Variants in DIAPH2 observed in about 807,000 individuals in gnomAD.
DIAPH2 encodes protein diaphanous homolog 2.
DIAPH2 carries 35 observed loss-of-function variants against 92.7 expected under a neutral mutation model. That is an observed-to-expected ratio of 0.38 (90% CI 0.29 to 0.50). The LOEUF is 0.50. Among genes scored for constraint, DIAPH2 ranks in the 20% least tolerant of loss-of-function variants. The pLI is 0.94. For missense variants in DIAPH2, 701 were observed against 819.5 expected (o/e 0.86, Z 1.77); for synonymous variants, 301 against 280.4 (o/e 1.07, Z -0.73).
At chrX:96,975,160 A>G (rs2065952764) in intron 17 of DIAPH2, among the ~76,000 whole-genome samples, 1 of 111,821 alleles carries the variant, frequency 8.9e-6, no homozygotes, top group Non-Finnish European at 1.9e-5. Flanking sequence ...CTTCAACCTT[A>G]TGGTGTAACT....
chrX:96,919,089 A>G (rs2147784991), intron 9 of DIAPH2, among the ~76,000 whole-genome samples: 1 of 112,173 alleles, frequency 8.9e-6, no homozygotes, highest in Non-Finnish European at 1.9e-5. Context: ...AGCCCTGTGT[A>G]GACACAACTT....
At chrX:97,421,718 A>G (rs954658425) in intron 25 of DIAPH2, among the ~76,000 whole-genome samples, 3 of 111,905 alleles carry the variant, frequency 2.7e-5, no homozygotes, top group African/African-American at 6.5e-5. Flanking sequence ...TCCACTTTGC[A>G]TGCTACGGTG....
chrX:96,971,242 A>G (rs2065925855), intron 17 of DIAPH2, among the ~76,000 whole-genome samples: 1 of 112,247 alleles, frequency 8.9e-6, no homozygotes, highest in Non-Finnish European at 1.9e-5. Context: ...GCCAGAGGAA[A>G]TAAATTCACA....
chrX:96,782,179 A>G (rs1451443722), intron 4 of DIAPH2, among the ~76,000 whole-genome samples: 4 of 112,057 alleles, frequency 3.6e-5, no homozygotes, highest in Non-Finnish European at 5.6e-5. Flanking sequence ...GGTCACTGCA[A>G]CCTCCACCTC....
At chrX:96,866,395 A>G (rs761875091) in intron 4 of DIAPH2, among the ~76,000 whole-genome samples, 62 of 112,237 alleles carry the variant, frequency 5.5e-4, no homozygotes, top group African/African-American at 1.6e-3. Context: ...TCCCAAAGAC[A>G]TATTTCATAT....
At chrX:97,301,602 A>G (rs2068706357) in intron 23 of DIAPH2, among the ~76,000 whole-genome samples, 1 of 111,763 alleles carries the variant, frequency 8.9e-6, no homozygotes, top group Admixed American at 9.5e-5. Context: ...AGATGTTTTT[A>G]AGTCTTAAAC....
intron 9 of DIAPH2, among the ~76,000 whole-genome samples, chrX:96,923,473 A>G (rs2065559918): frequency 8.9e-6 from 1 of 112,405 alleles, no homozygotes; most frequent in Non-Finnish European, 1.9e-5. Flanking sequence ...TGAGCAGCCT[A>G]CAAATGTCAC....
At chrX:97,518,019 A>G (rs1219908718) in intron 26 of DIAPH2, among the ~76,000 whole-genome samples, 1 of 112,225 alleles carries the variant, frequency 8.9e-6, no homozygotes, top group Non-Finnish European at 1.9e-5. Context: ...GAAAATGAAT[A>G]GCACTGTAGC....
chrX:97,448,054 T>C (rs1951923319), intron 26 of DIAPH2, among the ~76,000 whole-genome samples: 1 of 112,479 alleles, frequency 8.9e-6, no homozygotes, highest in Non-Finnish European at 1.9e-5. Flanking sequence ...CTAAATCCTT[T>C]TCAAATAATA....
chrX:97,516,121 A>T lies in DIAPH2; in HGVS notation c.3242-83132A>T, dbSNP rs1236398919. Among the ~76,000 whole-genome samples, 4 of 110,264 alleles carry T rather than the reference A, an allele frequency of 3.6e-5. No individual in the cohort carries two copies. The Admixed American group carries it at 3.9e-4, about 11-fold the overall frequency. On this transcript the variant is annotated intron_variant, in intron 26 of 26. Coordinates refer to ENST00000324765, the MANE Select transcript of DIAPH2 (RefSeq NM_006729.5). Reference sequence around the variant, plus strand: ...ACAAAAATTAGCTGGGTGTGGTGGCACACGCCTACTGTAGTCCCAGCTACT... The same window carrying T: ...ACAAAAATTAGCTGGGTGTGGTGGCTCACGCCTACTGTAGTCCCAGCTACT...
chrX:97,429,246 T>A (rs751246627), intron 25 of DIAPH2, among the ~76,000 whole-genome samples: 11 of 112,331 alleles, frequency 9.8e-5, no homozygotes, highest in Non-Finnish European at 1.7e-4. Flanking sequence ...AATCAGTATT[T>A]AACCTTGTGT....
At chrX:97,545,013 G>A (rs1429109097) in intron 26 of DIAPH2, among the ~76,000 whole-genome samples, 1 of 110,744 alleles carries the variant, frequency 9.0e-6, no homozygotes, top group Non-Finnish European at 1.9e-5. Flanking sequence ...TTACAGGTGT[G>A]AGCCACCGCA....
intron 24 of DIAPH2, among the ~76,000 whole-genome samples, chrX:97,368,387 C>T (rs1264364129): frequency 8.9e-6 from 1 of 112,173 alleles, no homozygotes; most frequent in Non-Finnish European, 1.9e-5. Context: ...TTTTATTCTT[C>T]ATCGGACATC....
At position 96,841,887 on chromosome X, in the gene DIAPH2, G is replaced by A. The variant is rs772719735; in HGVS notation, c.448-39692G>A. Reference sequence around the variant, plus strand: ...AGTTAGGGGTGGGGCAGTTTTATAGGATTTGGGTAGGTAGTGGAAAATTAC... The same window carrying A: ...AGTTAGGGGTGGGGCAGTTTTATAGAATTTGGGTAGGTAGTGGAAAATTAC... On this transcript the variant is annotated intron_variant, in intron 4 of 26. Coordinates refer to ENST00000324765, the MANE Select transcript of DIAPH2 (RefSeq NM_006729.5). 5.8e-4 allele frequency among the ~76,000 whole-genome samples: 65 copies of A among 111,351 alleles called. No homozygotes were observed. The Middle Eastern group carries it at 0.014, about 24-fold the overall frequency.
Position 97,348,053 on chromosome X carries a change from A to C in DIAPH2, c.2845-63A>C, listed in dbSNP as rs779420987. The stretch of plus-strand genomic sequence containing the variant: ...GAAGTGATGATTTAATTTAATCTTA[A>C]CATCTAGTGATTGATTGCCTTTAAA... On this transcript the variant is annotated intron_variant, in intron 23 of 26. Coordinates refer to ENST00000324765, the MANE Select transcript of DIAPH2 (RefSeq NM_006729.5). 1.9e-3 allele frequency: 1,924 copies of C among 1,030,591 alleles called. 5 individuals carry two copies. Among genetic ancestry groups the C allele is most frequent in the South Asian group, 9.3e-3 (455 of 49,101 alleles). 84.9% of individuals were successfully genotyped at this position (1,030,591 alleles called of 1,213,427 possible). A position where few individuals can be genotyped will look rare whatever the true frequency, so the allele number is the denominator to read the frequency against.
In DIAPH2 at chrX:97,266,418, C is replaced by G. The variant is rs768851145; in HGVS notation, c.2844+18579C>G. On this transcript the variant is annotated intron_variant, in intron 23 of 26. Coordinates refer to ENST00000324765, the MANE Select transcript of DIAPH2 (RefSeq NM_006729.5). ...TTTGAAAGTAGGAGTTTCATTAACT[C>G]TCAGTTTGGACAGTATTATCTTTAC... is the stretch of plus-strand genomic sequence containing the variant. Among the ~76,000 whole-genome samples, 6 of 112,026 alleles carry G rather than the reference C, an allele frequency of 5.4e-5. No individual in the cohort carries two copies. The South Asian group carries it at 1.5e-3, about 28-fold the overall frequency.
chrX:97,048,228 CCTT>C (rs1335157401), intron 17 of DIAPH2, among the ~76,000 whole-genome samples: 1 of 110,995 alleles, frequency 9.0e-6, no homozygotes, highest in Non-Finnish European at 1.9e-5. Flanking sequence ...TCTTTTCCTG[CCTT>C]CTTTCCTTCC....
chrX:97,189,249 CA>C (rs1332901423), intron 22 of DIAPH2, among the ~76,000 whole-genome samples: 4 of 110,994 alleles, frequency 3.6e-5, no homozygotes, highest in Admixed American at 9.6e-5. Context: ...GTTGACTAAC[CA>C]AAAAGCCTTA....
chrX:97,100,481 TCAAATAGTTGA>T (rs920153751), intron 20 of DIAPH2, among the ~76,000 whole-genome samples: 6 of 111,876 alleles, frequency 5.4e-5, no homozygotes, highest in African/African-American at 1.6e-4. Flanking sequence ...AACTGACTAT[TCAAATAGTTGA>T]CAAAAAACAA....
Sources: gnomAD v4.1 joint callset for allele counts (sites outside exome capture counted in the v4.1 genomes callset) on GRCh38, gnomAD v4.1.1 for gene constraint, MANE v1.5 for transcripts, NCBI Gene and HGNC (gene_info 2026-07-23, HGNC 2026-07-21) for gene names.